The following IQCM variants were observed in gnomAD, a reference collection of about 807,000 sequenced individuals.
The protein encoded by IQCM is IQ motif containing M.
Under a neutral mutation model 57.6 loss-of-function variants are expected in IQCM, and 45 were observed. The ratio of observed to expected loss-of-function variants is 0.78; its 90% CI spans 0.62 to 1.00. The LOEUF (loss-of-function observed/expected upper bound fraction) is 1.00, where lower values mean the gene tolerates loss of function less well. Among genes scored for constraint, IQCM ranks in the 50% least tolerant of loss-of-function variants. The probability of loss-of-function intolerance (pLI) is 0.00; values close to 1 mark genes in which losing one functional copy is unlikely to be tolerated. For missense variants in IQCM, 468 were observed against 511.6 expected (o/e 0.91, Z 0.82); for synonymous variants, 148 against 158.9 (o/e 0.93, Z 0.51).
intron 13 of IQCM, among the ~76,000 whole-genome samples, chr4:149,364,028 A>G (rs1226032567): frequency 1.3e-5 from 2 of 152,204 alleles, no homozygotes; most frequent in Non-Finnish European, 2.9e-5. Flanking sequence ...TTTAACACAT[A>G]GAGACATATG....
chr4:149,808,127 T>C (rs115235595), intron 2 of IQCM, among the ~76,000 whole-genome samples: 236 of 152,262 alleles, frequency 1.5e-3, no homozygotes, highest in Non-Finnish European at 2.2e-3. Context: ...CCTATGTTCA[T>C]TGCACCACTA....
chr4:149,603,662 A>G (rs1450906077), intron 8 of IQCM, among the ~76,000 whole-genome samples: 2 of 152,014 alleles, frequency 1.3e-5, no homozygotes, highest in Non-Finnish European at 2.9e-5. Context: ...AGAGAAATCA[A>G]CAAGAAAACT....
chr4:149,678,914 C>A (rs1761971724), intron 7 of IQCM, among the ~76,000 whole-genome samples: 1 of 151,614 alleles, frequency 6.6e-6, no homozygotes, highest in Non-Finnish European at 1.5e-5. Context: ...AAAGAGAAAC[C>A]TTAAACACTG....
intron 5 of IQCM, among the ~76,000 whole-genome samples, chr4:149,732,518 A>T (rs1414176211): frequency 1.3e-5 from 2 of 152,160 alleles, no homozygotes; most frequent in Non-Finnish European, 2.9e-5. Flanking sequence ...TATCCTCACC[A>T]TTACTCTCTG....
chr4:149,708,299 A>G (rs545392305), intron 5 of IQCM, among the ~76,000 whole-genome samples: 2 of 152,164 alleles, frequency 1.3e-5, no homozygotes, highest in East Asian at 3.9e-4. Flanking sequence ...TTATACTTAT[A>G]TCCCTAATTG....
intron 12 of IQCM, among the ~76,000 whole-genome samples, chr4:149,440,286 GTTAAA>G (rs1276657404): frequency 3.3e-5 from 5 of 151,832 alleles, no homozygotes; most frequent in Non-Finnish European, 7.4e-5. Context: ...ATTCTTAATT[GTTAAA>G]TTAAATTTGA....
At chr4:149,641,516 T>C (rs1343447313) in intron 7 of IQCM, among the ~76,000 whole-genome samples, 4 of 152,130 alleles carry the variant, frequency 2.6e-5, no homozygotes, top group East Asian at 1.9e-4. Context: ...AGCAAAAATA[T>C]TTTTTAAAGT....
intron 12 of IQCM, among the ~76,000 whole-genome samples, chr4:149,458,460 G>A (rs1474256985): frequency 2.0e-5 from 3 of 151,930 alleles, no homozygotes; most frequent in Non-Finnish European, 4.4e-5. Flanking sequence ...AAAATAAAGC[G>A]AACATTTAAG....
Position 149,557,889 on chromosome 4 carries a change from A to T in IQCM, c.949-4602T>A, listed in dbSNP as rs148788406. On this transcript the variant is annotated intron_variant, in intron 10 of 13. Coordinates refer to ENST00000636793, the MANE Select transcript of IQCM (RefSeq NM_001363507.2). ...CCAATGAGCATTTAAGCATACATAA[A>T]TATTTTTTATCTTAAACTATCCTTC... 1.8e-4 allele frequency among the ~76,000 whole-genome samples: 28 copies of T among 152,306 alleles called. No homozygotes were observed. The East Asian group carries it at 5.4e-3, about 29-fold the overall frequency.
At chr4:149,534,338 A>C in intron 12 of IQCM, among the ~76,000 whole-genome samples, 1 of 152,140 alleles carries the variant, frequency 6.6e-6, no homozygotes, top group Non-Finnish European at 1.5e-5. Flanking sequence ...AGAAAGAGAA[A>C]GAGATTGTTC....
At chr4:149,678,059 A>G (rs1345470750) in intron 7 of IQCM, among the ~76,000 whole-genome samples, 1 of 151,908 alleles carries the variant, frequency 6.6e-6, no homozygotes, top group Non-Finnish European at 1.5e-5. Context: ...GACCAAATCT[A>G]AGAATTATTG....
intron 7 of IQCM, among the ~76,000 whole-genome samples, chr4:149,677,680 A>G (rs1002232664): frequency 6.6e-6 from 1 of 152,028 alleles, no homozygotes; most frequent in Admixed American, 6.6e-5. Context: ...AAGCATACAA[A>G]GCAAAGATTT....
chr4:149,553,267 A>G lies in IQCM; in HGVS notation c.969T>C (p.Asp323=). 4 of 1,231,938 alleles carry G rather than the reference A, an allele frequency of 3.2e-6. No homozygotes were observed. The highest frequency in any genetic ancestry group is 4.0e-6 in the Non-Finnish European group (4 of 987,812). 76.3% of individuals were successfully genotyped at this position (1,231,938 alleles called of 1,614,324 possible). ...VMTKALDHGP[D]MKAVINMYGR... is the part of the protein sequence containing the mutation. ...CATACATGTTAATAACTGCTTTCAT[A>G]TCTGGTCCATGATCCAAAGCCTACA... The change falls in exon 11 of 14, where the codon GAT becomes GAC. Residue 323 remains aspartate, a synonymous_variant. Coordinates refer to ENST00000636793, the MANE Select transcript of IQCM (RefSeq NM_001363507.2).
At chr4:149,629,983 T>A (rs959868449) in intron 7 of IQCM, among the ~76,000 whole-genome samples, 2 of 7,286 alleles carry the variant, frequency 2.7e-4, no homozygotes, top group Admixed American at 3.3e-3. Flanking sequence ...GGGTGTGGGG[T>A]GGGGGGGTGG....
chr4:149,465,730 GA>G (rs373916936), intron 12 of IQCM, among the ~76,000 whole-genome samples: 129 of 145,704 alleles, frequency 8.9e-4, no homozygotes, highest in African/African-American at 2.8e-3. Context: ...CTTCAAGAAG[GA>G]AAAAAAAAAG....
chr4:149,402,968 T>C (rs1475734660), intron 13 of IQCM, among the ~76,000 whole-genome samples: 1 of 151,904 alleles, frequency 6.6e-6, no homozygotes, highest in Non-Finnish European at 1.5e-5. Flanking sequence ...CAATTCAGCA[T>C]GGTACTTGCA....
intron 2 of IQCM, among the ~76,000 whole-genome samples, chr4:149,782,129 A>C (rs1260501755): frequency 6.6e-6 from 1 of 152,200 alleles, no homozygotes; most frequent in Non-Finnish European, 1.5e-5. Flanking sequence ...GGGGCAAATA[A>C]GTTATAAATT....
chr4:149,540,304 G>T (rs1747722627), intron 12 of IQCM, among the ~76,000 whole-genome samples: 2 of 149,418 alleles, frequency 1.3e-5, no homozygotes, highest in African/African-American at 5.0e-5. Context: ...GATCTAGTAT[G>T]TGGGATTGCA....
At position 149,556,936 on chromosome 4, in the gene IQCM, T is replaced by C. The variant is rs28653322; in HGVS notation, c.949-3649A>G. Among the ~76,000 whole-genome samples the C allele has an allele frequency of 9.7e-3, 1,485 of 152,324 alleles. 30 individuals carry two copies. Among genetic ancestry groups the C allele is most frequent in the African/African-American group, 0.034 (1,412 of 41,574 alleles). On this transcript the variant is annotated intron_variant, in intron 10 of 13. Transcript: ENST00000636793. ...ATTATTATTACTACTACCTGAAGCA[T>C]ATGCCTCAATCACTCTATGTCTAAT...
Sources: allele counts gnomAD v4.1 joint callset (sites outside exome capture counted in the v4.1 genomes callset), GRCh38; gene constraint gnomAD v4.1.1; transcripts MANE v1.5; gene names NCBI Gene and HGNC (gene_info 2026-07-23, HGNC 2026-07-21).